The following CIPC variants were observed in gnomAD, a reference collection of about 807,000 sequenced individuals.
CIPC encodes CLOCK interacting pacemaker.
A neutral mutation model predicts 26.7 loss-of-function variants in CIPC; 12 were observed. The observed-to-expected ratio is 0.45, with a 90% CI of 0.29 to 0.73. CIPC has a LOEUF of 0.73. Among genes scored for constraint, CIPC ranks in the 30% least tolerant of loss-of-function variants. The pLI, the probability that CIPC is intolerant of heterozygous loss-of-function variation, is 0.12. For missense variants in CIPC, 417 were observed against 486.5 expected, an observed-to-expected ratio of 0.86 and a Z score of 1.34; for synonymous variants, 170 against 189.8, an observed-to-expected ratio of 0.90 and a Z score of 0.86.
chr14:77,108,436 A>C (rs1038026071), intron 2 of CIPC, among the ~76,000 whole-genome samples: 7 of 152,172 alleles, frequency 4.6e-5, no homozygotes, highest in Non-Finnish European at 8.8e-5. Flanking sequence ...TCACACCTGT[A>C]ATCTCAGCAC....
chr14:77,111,237 A>C (rs1886693917), intron 3 of CIPC, among the ~76,000 whole-genome samples: 1 of 152,168 alleles, frequency 6.6e-6, no homozygotes, highest in Non-Finnish European at 1.5e-5. Context: ...TGGCAGCTCC[A>C]GAAGGCTGAG....
At chr14:77,106,031 T>C (rs900671918) in intron 2 of CIPC, 187 bp downstream of exon 2, 4 of 486,350 alleles carry the variant, frequency 8.2e-6, no homozygotes, top group East Asian at 3.5e-5. Context: ...ACAGGGTTAG[T>C]TCTGAAAGAA....
Position 77,114,224 on chromosome 14 carries a change from C to T in CIPC, c.1106C>T (p.Pro369Leu). 6.2e-7 allele frequency: 1 copy of T among 1,614,170 alleles called. No homozygotes were observed. Among genetic ancestry groups the T allele is most frequent in the Non-Finnish European group, 8.5e-7 (1 of 1,180,040 alleles). The part of the protein sequence containing the change: ...LFIEATKSRA[P>L]QAWAKLQASL... The stretch of plus-strand genomic sequence containing the variant: ...ATAGAAGCCACCAAGAGCAGGGCCC[C>T]TCAGGCTTGGGCCAAGCTGCAGGCA... Residue 369 changes from proline to leucine, a missense_variant, in exon 4 of 4, where the codon CCT becomes CTT. Transcript: ENST00000361786.
chr14:77,110,262 GTATA>G, intron 3 of CIPC, among the ~76,000 whole-genome samples: 1 of 152,088 alleles, frequency 6.6e-6, no homozygotes, highest in East Asian at 1.9e-4. Flanking sequence ...ACCCTGAAAT[GTATA>G]TAAAGGAACC....
rs1185154675 is a variant in CIPC at position 77,098,278 on chromosome 14, G to A, written c.-136G>A. On this transcript the variant is annotated 5_prime_UTR_variant, in exon 1 of 4. Transcript: ENST00000361786. ...ATAGCGAGACACCCAGCGACGACGA[G>A]GTTGTCATGGTGCCGCGGGGCCGTG... The A allele has an allele frequency of 6.5e-6, 1 of 152,724 alleles. No homozygotes were observed. Among genetic ancestry groups the A allele is most frequent in the Non-Finnish European group, 1.5e-5 (1 of 68,072 alleles). The allele number at this position is 152,724 out of a possible 1,614,324, so 9.5% of individuals were successfully genotyped here.
At chr14:77,102,652 A>G (rs768394509) in intron 1 of CIPC, among the ~76,000 whole-genome samples, 5 of 152,214 alleles carry the variant, frequency 3.3e-5, no homozygotes, top group Non-Finnish European at 7.3e-5. Flanking sequence ...GTACCTGTAA[A>G]ATAATCCATG....
rs1327351950 is a variant in CIPC at position 77,116,365 on chromosome 14, T to G, written c.*2047T>G. 6.6e-6 allele frequency: 1 copy of G among 152,254 alleles called. No individual in the cohort carries two copies. Among genetic ancestry groups the G allele is most frequent in the East Asian group, 1.9e-4 (1 of 5,208 alleles). 9.4% of individuals were successfully genotyped at this position (152,254 alleles called of 1,614,324 possible). A position where few individuals can be genotyped will look rare whatever the true frequency, so the allele number is the denominator to read the frequency against. ...TGCACCATGCTAGGAAGCTTCCTTT[T>G]TGGCAGAATATGTTTGGCAGCAAAG... On this transcript the variant is annotated 3_prime_UTR_variant, in exon 4 of 4. Transcript: ENST00000361786.
chr14:77,109,988 A>G lies in CIPC; in HGVS notation c.306+7A>G, dbSNP rs762100728. On this transcript the variant is annotated splice_region_variant and intron_variant, in intron 3 of 3. Transcript: ENST00000361786. ...GAATGTGCTTGTCAAACAGGTGAGG[A>G]GGACTAATATCACCTAAAGTCTTTG... 2.5e-6 allele frequency: 4 copies of G among 1,613,284 alleles called. No individual in the cohort carries two copies. Among genetic ancestry groups the G allele is most frequent in the Middle Eastern group, 1.6e-4 (1 of 6,062 alleles).
In CIPC at chr14:77,113,610, CCCA is replaced by C; in HGVS notation, c.494_496del (p.Pro165del). Reference sequence around the variant, plus strand: ...TTCTGAATTCTTACACCAAAATAGCCCCACATCCAGGCAAAAGGGGCCTTTCCC... The same window carrying C: ...TTCTGAATTCTTACACCAAAATAGCCCATCCAGGCAAAAGGGGCCTTTCCC... On this transcript the variant is annotated inframe_deletion, in exon 4 of 4. Coordinates refer to ENST00000361786, the MANE Select transcript of CIPC (RefSeq NM_033426.3). The C allele has an allele frequency of 6.2e-7, 1 of 1,614,206 alleles. No individual in the cohort carries two copies. The highest frequency in any genetic ancestry group is 8.5e-7 in the Non-Finnish European group (1 of 1,180,044).
chr14:77,114,081 A>C lies in CIPC; in HGVS notation c.963A>C (p.Leu321=). 1 of 1,614,176 alleles carries C rather than the reference A, an allele frequency of 6.2e-7. No homozygotes were observed. The highest frequency in any genetic ancestry group is 2.2e-5 in the East Asian group (1 of 44,890). Residue 321 remains leucine (L), a synonymous_variant, in exon 4 of 4, where the codon CTA becomes CTC. Transcript: ENST00000361786. ...AACATAGGCGCTTTCAGAATACCCTAGTAGTCCTACATAAATCTGGTTTGC... is the reference window on the plus strand; with the variant it reads ...AACATAGGCGCTTTCAGAATACCCTCGTAGTCCTACATAAATCTGGTTTGC... ...QSKHRRFQNT[L]VVLHKSGLLE... is the part of the protein sequence containing the mutation.
chr14:77,105,991 C>T (rs762291122), intron 2 of CIPC, 147 bp downstream of exon 2: 105 of 862,774 alleles, frequency 1.2e-4, no homozygotes, highest in Middle Eastern at 7.4e-4. Context: ...AATTCTGATG[C>T]CATATGTCAG....
In CIPC at chr14:77,107,532, T is replaced by C. The variant is rs534455188; in HGVS notation, c.136+1688T>C. 2.0e-4 allele frequency among the ~76,000 whole-genome samples: 30 copies of C among 152,192 alleles called. No individual in the cohort carries two copies. In the East Asian group the frequency reaches 5.4e-3, roughly 27 times the overall value. On this transcript the variant is annotated intron_variant, in intron 2 of 3. Coordinates refer to ENST00000361786, the MANE Select transcript of CIPC (RefSeq NM_033426.3). ...ATTTTTCCCATTTTAATTACCACATTTGTAGTTCAAAAAATTTCAAATCTA... is the reference window on the plus strand; with the variant it reads ...ATTTTTCCCATTTTAATTACCACATCTGTAGTTCAAAAAATTTCAAATCTA...
Position 77,113,576 on chromosome 14 carries a change from ACTTGCC to A in CIPC, c.460_465del (p.Leu154_Pro155del), listed in dbSNP as rs748116671. 6.2e-7 allele frequency: 1 copy of A among 1,614,220 alleles called. No individual in the cohort carries two copies. ...GAGAAAAAGTCCGACTCCAGGAACT[ACTTGCC>A]CATTCTGAATTCTTACACCAAAATA... On this transcript the variant is annotated inframe_deletion, in exon 4 of 4. Transcript: ENST00000361786.
At position 77,117,110 on chromosome 14, in the gene CIPC, A is replaced by G. The variant is rs975803369; in HGVS notation, c.*2792A>G. ...ATTGTCTGACTTTTTATTTTCTACT[A>G]TGGTTCCTTTAGCAGAAAAGTAACT... On this transcript the variant is annotated 3_prime_UTR_variant, in exon 4 of 4. Coordinates refer to ENST00000361786, the MANE Select transcript of CIPC (RefSeq NM_033426.3). 5.9e-5 allele frequency: 9 copies of G among 152,626 alleles called. No homozygotes were observed. Among genetic ancestry groups the G allele is most frequent in the Non-Finnish European group, 1.3e-4 (9 of 68,038 alleles). 9.5% of individuals were successfully genotyped at this position (152,626 alleles called of 1,614,324 possible).
In CIPC at chr14:77,103,049, A is replaced by T. The variant is rs567501788; in HGVS notation, c.-52-2608A>T. On this transcript the variant is annotated intron_variant, in intron 1 of 3. Transcript: ENST00000361786. The stretch of plus-strand genomic sequence containing the variant: ...GTGACAGTGCCACTGTTTATCTTTT[A>T]TGCACATAGGATTAAACGTGTGACC... Among the ~76,000 whole-genome samples, 45 of 152,330 alleles carry T rather than the reference A, an allele frequency of 3.0e-4. No homozygotes were observed. The South Asian group carries it at 8.1e-3, about 27-fold the overall frequency.
At chr14:77,105,583 A>G in intron 1 of CIPC, 74 bp from the exon 2 acceptor site, 1 of 1,026,486 alleles carries the variant, frequency 9.7e-7, no homozygotes, top group Non-Finnish European at 1.4e-6. Context: ...TTCTTTGCCC[A>G]TACTTTATTC....
chr14:77,105,686 A>C lies in CIPC; in HGVS notation c.-23A>C. ...GTCCAGATGAAAAGAGTACCAATGA[A>C]TCTGCCTCCAGCTGAATAAACCATG... On this transcript the variant is annotated 5_prime_UTR_variant, in exon 2 of 4. Transcript: ENST00000361786. 1.2e-6 allele frequency: 2 copies of C among 1,609,834 alleles called. No homozygotes were observed. The highest frequency in any genetic ancestry group is 2.2e-5 in the South Asian group (2 of 90,352).
At chr14:77,102,771 G>A (rs552875120) in intron 1 of CIPC, among the ~76,000 whole-genome samples, 17 of 152,264 alleles carry the variant, frequency 1.1e-4, no homozygotes, top group African/African-American at 3.9e-4. Flanking sequence ...AGCCTGGTCC[G>A]ACATGAATTA....
chr14:77,113,956 T>G lies in CIPC; in HGVS notation c.838T>G (p.Ser280Ala), dbSNP rs1439579835. The G allele has an allele frequency of 6.2e-7, 1 of 1,614,186 alleles. No individual in the cohort carries two copies. The highest frequency in any genetic ancestry group is 8.5e-7 in the Non-Finnish European group (1 of 1,180,046). Residue 280 changes from serine (S) to alanine (A), a missense_variant, in exon 4 of 4, where the codon TCT becomes GCT. Transcript: ENST00000361786. ...DSTLHGLESN[S>A]PLSPLSANYS... ...CACTCTCCATGGGTTAGAGAGCAAC[T>G]CTCCCCTTTCACCACTGTCCGCTAA...
Sources: gnomAD v4.1 joint callset for allele counts (sites outside exome capture counted in the v4.1 genomes callset) on GRCh38, gnomAD v4.1.1 for gene constraint, MANE v1.5 for transcripts, NCBI Gene and HGNC (gene_info 2026-07-23, HGNC 2026-07-21) for gene names.